DELE1: variants seen among roughly 807,000 people sequenced by gnomAD.
The protein encoded by DELE1 is DAP3 binding cell death enhancer 1, also known as death ligand signal enhancer.
Under a neutral mutation model 59.3 loss-of-function variants are expected in DELE1, and 54 were observed. That is an observed-to-expected ratio of 0.91 (90% CI 0.73 to 1.14). DELE1 has a LOEUF of 1.14. Among genes scored for constraint, DELE1 ranks in the 50% most tolerant of loss-of-function variants. The pLI is 0.00. For missense variants in DELE1, 636 were observed against 643.9 expected (o/e 0.99, Z 0.13); for synonymous variants, 264 against 259.1 (o/e 1.02, Z -0.18).
At chr5:141,934,447 C>T (rs1752200304) in intron 9 of DELE1, 47 bp from the exon 10 acceptor site, 1 of 1,614,014 alleles carries the variant, frequency 6.2e-7, no homozygotes, top group African/African-American at 1.3e-5. Flanking sequence ...GCCTGTGGAG[C>T]CTGAAAGTGA....
Position 141,940,326 on chromosome 5 carries a change from G to A in DELE1, c.*1567G>A. The A allele has an allele frequency of 1.0e-6, 1 of 985,396 alleles. No individual in the cohort carries two copies. The highest frequency in any genetic ancestry group is 1.2e-6 in the Non-Finnish European group (1 of 829,936). 61.0% of individuals were successfully genotyped at this position (985,396 alleles called of 1,614,324 possible). On this transcript the variant is annotated 3_prime_UTR_variant, in exon 12 of 12. Coordinates refer to ENST00000432126, the MANE Select transcript of DELE1 (RefSeq NM_014773.5). ...AAGATTTCTGAGTCAGTGCTAATGA[G>A]TCCAGTTACTGAATTTGTGAATAGC...
At position 141,933,359 on chromosome 5, in the gene DELE1, G is replaced by T; in HGVS notation, c.855G>T (p.Leu285Phe). ...GYSKAQYNAG[L>F]CHEHGRGTPR... Reference sequence around the variant, plus strand: ...GCAAAGCGCAGTACAATGCGGGCTTGTGTCATGAGCATGGCAGAGGCACCC... The same window carrying T: ...GCAAAGCGCAGTACAATGCGGGCTTTTGTCATGAGCATGGCAGAGGCACCC... Residue 285 changes from leucine (L) to phenylalanine (F), a missense_variant, in exon 8 of 12, where the codon TTG (leucine) becomes TTT (phenylalanine). Transcript: ENST00000432126. The T allele has an allele frequency of 6.5e-7, 1 of 1,528,968 alleles. No individual in the cohort carries two copies. Among genetic ancestry groups the T allele is most frequent in the Admixed American group, 1.8e-5 (1 of 56,932 alleles). The allele number at this position is 1,528,968 out of a possible 1,614,324, so 94.7% of individuals were successfully genotyped here.
chr5:141,935,002 C>T (rs910191087), intron 10 of DELE1: 1 of 177,230 alleles, frequency 5.6e-6, no homozygotes, highest in African/African-American at 2.4e-5. Context: ...CAGTACTTCA[C>T]AGGGTGGTTG....
chr5:141,924,671 TG>T lies in DELE1; in HGVS notation c.124del (p.Val42PhefsTer74). 6.2e-7 allele frequency: 1 copy of T among 1,613,514 alleles called. No homozygotes were observed. Among genetic ancestry groups the T allele is most frequent in the Non-Finnish European group, 8.5e-7 (1 of 1,179,428 alleles). ...CCTCAGACTACCTCCTCCACTTTGC[TG>T]GTTCCTGTGCCTAACCTCGACAGGT... ...DGPQTTSSTL[L>X]VPVPNLDRSG... is the part of the protein sequence containing the mutation. On this transcript the variant is annotated frameshift_variant, in exon 2 of 12. Transcript: ENST00000432126. LOFTEE classifies it high-confidence loss of function.
Position 141,929,684 on chromosome 5 carries a change from G to A in DELE1, c.515G>A (p.Arg172Gln), listed in dbSNP as rs145156674. The A allele has an allele frequency of 1.8e-5, 29 of 1,614,068 alleles. No homozygotes were observed. The highest frequency in any genetic ancestry group is 5.3e-5 in the African/African-American group (4 of 74,932). Reference sequence around the variant, plus strand: ...CAGGAAGAAGCCTCAGCTCAGCCCCGGAACTTCTCACACAACTCTTTGAGA... The same window carrying A: ...CAGGAAGAAGCCTCAGCTCAGCCCCAGAACTTCTCACACAACTCTTTGAGA... ...LGQEEASAQPRNFSHNSLRGA... is the reference protein window; with the variant it reads ...LGQEEASAQPQNFSHNSLRGA... Residue 172 changes from arginine (R) to glutamine (Q), a missense_variant, in exon 5 of 12, where the codon CGG (arginine) becomes CAG (glutamine). Coordinates refer to ENST00000432126, the MANE Select transcript of DELE1 (RefSeq NM_014773.5).
Position 141,924,640 on chromosome 5 carries a change from G to C in DELE1, c.91G>C (p.Asp31His). 1 of 1,614,148 alleles carries C rather than the reference G, an allele frequency of 6.2e-7. No individual in the cohort carries two copies. The highest frequency in any genetic ancestry group is 2.2e-5 in the East Asian group (1 of 44,880). The change falls in exon 2 of 12, where the codon GAT (aspartate) becomes CAT (histidine). Residue 31 changes from aspartate (D) to histidine (H), a missense_variant. By Grantham distance (81) the Asp-to-His change is moderately conservative. Transcript: ENST00000432126. ...WRVTPKSTSP[D>H]GPQTTSSTLL... ...GGTGACTCCTAAGTCCACCAGCCCA[G>C]ATGGGCCTCAGACTACCTCCTCCAC...
Position 141,938,739 on chromosome 5 carries a change from G to T in DELE1, c.1528G>T (p.Val510Leu). ...PHPYPLERSV[V>L]RLGFG ...CCCCTACCCACTGGAAAGGAGTGTT[G>T]TAAGACTAGGTTTTGGCTAAGGTGA... Residue 510 changes from valine (V) to leucine (L), a missense_variant, in exon 12 of 12, where the codon GTA becomes TTA. By Grantham distance (32) the Val-to-Leu change is conservative (BLOSUM62 1). Transcript: ENST00000432126. 6.2e-7 allele frequency: 1 copy of T among 1,613,202 alleles called. No homozygotes were observed. Among genetic ancestry groups the T allele is most frequent in the Non-Finnish European group, 8.5e-7 (1 of 1,179,584 alleles).
At chr5:141,924,061 C>G in intron 1 of DELE1, 89 bp downstream of exon 1, 1 of 1,524,270 alleles carries the variant, frequency 6.6e-7, no homozygotes, top group Non-Finnish European at 8.9e-7. Context: ...CCGAAGCGAT[C>G]GTGGGCCGGG....
chr5:141,928,107 T>G (rs375502913), intron 3 of DELE1, 44 bp from the exon 4 acceptor site: 1 of 1,580,914 alleles, frequency 6.3e-7, no homozygotes, highest in Non-Finnish European at 8.6e-7. Context: ...TCTGATGGAG[T>G]TGATTGGTGA....
rs372635879 is a variant in DELE1 at position 141,924,594 on chromosome 5, A to T, written c.45A>T (p.Thr15=). The T allele has an allele frequency of 8.1e-6, 13 of 1,612,466 alleles. No individual in the cohort carries two copies. In the African/African-American group the frequency reaches 1.1e-4, roughly 13 times the overall value. Residue 15 remains threonine, a synonymous_variant, in exon 2 of 12, where the codon ACA becomes ACT. Transcript: ENST00000432126. ...PGLLGRALPR[T]LGPSLWRVTP... The stretch of plus-strand genomic sequence containing the variant: ...TGTTCTGTACAGCTCTTCCCCGTAC[A>T]CTGGGACCTAGCCTCTGGAGGGTGA...
intron 3 of DELE1, among the ~76,000 whole-genome samples, chr5:141,925,748 CT>C (rs200149414): frequency 0.013 from 1,947 of 152,304 alleles, 43 homozygotes; most frequent in African/African-American, 0.045. Flanking sequence ...AACACCTTGT[CT>C]GGGCCAGGCA....
At chr5:141,929,914 T>A in intron 5 of DELE1, 75 bp from the exon 6 acceptor site, 1 of 1,541,316 alleles carries the variant, frequency 6.5e-7, no homozygotes, top group East Asian at 2.2e-5. Flanking sequence ...AAAGCCTGGG[T>A]AGACTGGGAG....
chr5:141,933,720 G>A (rs977486250), intron 8 of DELE1: 11 of 168,120 alleles, frequency 6.5e-5, no homozygotes, highest in Non-Finnish European at 3.8e-5. Flanking sequence ...ATTTCGTAGA[G>A]TTGTATGTGA....
intron 2 of DELE1, 146 bp downstream of exon 2, chr5:141,924,841 C>T (rs1482162856): frequency 1.5e-5 from 9 of 597,214 alleles, no homozygotes; most frequent in African/African-American, 3.7e-5. Context: ...CTGCAACCTC[C>T]GCCTCCCAGG....
rs955898498 is a variant in DELE1, at chr5:141,929,756, A to G, written c.571+16A>G. 1.2e-5 allele frequency: 20 copies of G among 1,613,524 alleles called. No individual in the cohort carries two copies. Among genetic ancestry groups the G allele is most frequent in the Admixed American group, 1.2e-4 (7 of 59,958 alleles). On this transcript the variant is annotated intron_variant, in intron 5 of 11. Coordinates refer to ENST00000432126, the MANE Select transcript of DELE1 (RefSeq NM_014773.5). ...TCTGAGGAAGGTATGTCCCTGCCTCATGGAATCAGCAGAAGGCAGGGGGCG... is the reference window on the plus strand; with the variant it reads ...TCTGAGGAAGGTATGTCCCTGCCTCGTGGAATCAGCAGAAGGCAGGGGGCG...
rs1182979666 is a variant in DELE1 at position 141,923,938 on chromosome 5, C to A, written c.-4C>A. On this transcript the variant is annotated 5_prime_UTR_variant, in exon 1 of 12. Transcript: ENST00000432126. The stretch of plus-strand genomic sequence containing the variant: ...TGCGAGCTCTCTGTGGTGCTGGCAG[C>A]GACATGTGGCGCCTCCCGGGACTCC... 4 of 1,606,770 alleles carry A rather than the reference C, an allele frequency of 2.5e-6. No homozygotes were observed. The highest frequency in any genetic ancestry group is 3.4e-6 in the Non-Finnish European group (4 of 1,177,028).
At chr5:141,937,000 T>G in intron 10 of DELE1, 198 bp from the exon 11 acceptor site, 1 of 1,438,926 alleles carries the variant, frequency 6.9e-7, no homozygotes, top group East Asian at 2.4e-5. Context: ...GGGATCCCCC[T>G]CTCCTTTGTG....
chr5:141,930,134 C>T (rs1751784128), intron 6 of DELE1, 44 bp from the exon 7 acceptor site: 1 of 1,606,916 alleles, frequency 6.2e-7, no homozygotes, highest in South Asian at 1.1e-5. Context: ...GGTGGCAATC[C>T]TGGTAAACCA....
chr5:141,930,348 C>T (rs189343437), intron 7 of DELE1, 74 bp downstream of exon 7: 11 of 1,084,758 alleles, frequency 1.0e-5, no homozygotes, highest in Non-Finnish European at 1.2e-5. Context: ...CAGATATAGT[C>T]AAGATAGGGA....
Sources: allele counts gnomAD v4.1 joint callset (sites outside exome capture counted in the v4.1 genomes callset), GRCh38; gene constraint gnomAD v4.1.1; transcripts MANE v1.5; gene names NCBI Gene and HGNC (gene_info 2026-07-23, HGNC 2026-07-21).